UBE2D3: variants seen among roughly 807,000 people sequenced by gnomAD.
The protein encoded by UBE2D3 is ubiquitin-conjugating enzyme E2 D3.
A neutral mutation model predicts 22.8 loss-of-function variants in UBE2D3; 2 were observed. The observed-to-expected ratio is 0.09, with a 90% CI of 0.04 to 0.28. The LOEUF (loss-of-function observed/expected upper bound fraction) is 0.28. Ranked by LOEUF, UBE2D3 falls within the 10% of genes least tolerant of loss-of-function variation. The probability of loss-of-function intolerance (pLI) is 1.00; values close to 1 mark genes in which losing one functional copy is unlikely to be tolerated. For missense variants in UBE2D3, 27 were observed against 182.5 expected (o/e 0.15, Z 4.91); for synonymous variants, 56 against 60.4 (o/e 0.93, Z 0.34).
chr4:102,819,328 T>TC (rs1295926485), intron 2 of UBE2D3, among the ~76,000 whole-genome samples: 58 of 120,866 alleles, frequency 4.8e-4, no homozygotes, highest in African/African-American at 2.1e-3. Flanking sequence ...AGACTCCGCC[T>TC]CAAAAAAAAA....
At chr4:102,847,576 C>T (rs535555873) in intron 1 of UBE2D3, among the ~76,000 whole-genome samples, 12 of 152,180 alleles carry the variant, frequency 7.9e-5, no homozygotes, top group East Asian at 5.8e-4. Flanking sequence ...TGTGAGCCAC[C>T]GCACCTGGTC....
intron 1 of UBE2D3, among the ~76,000 whole-genome samples, chr4:102,849,130 A>AT (rs1384180214): frequency 6.6e-6 from 1 of 151,376 alleles, no homozygotes; most frequent in East Asian, 2.0e-4. Context: ...CACTTTGAGA[A>AT]GCTGAGGCAA....
At chr4:102,829,334 C>G (rs542548350), upstream of UBE2D3, among the ~76,000 whole-genome samples, 1 of 152,278 alleles carries the variant, frequency 6.6e-6, no homozygotes, top group Admixed American at 6.5e-5. Flanking sequence ...CTGGCCCCTC[C>G]CTCCTCCCTG....
intron 1 of UBE2D3, among the ~76,000 whole-genome samples, chr4:102,862,776 T>C (rs1362975473): frequency 6.6e-6 from 1 of 152,198 alleles, no homozygotes; most frequent in East Asian, 1.9e-4. Context: ...GTCCAGTACA[T>C]TTAACTTTTG....
intron 2 of UBE2D3, chr4:102,819,691 G>T: frequency 1.6e-6 from 1 of 644,740 alleles, no homozygotes; most frequent in Non-Finnish European, 1.9e-6. Context: ...CTTTAAGACA[G>T]TAAAATTATC....
intron 1 of UBE2D3, among the ~76,000 whole-genome samples, chr4:102,867,635 C>A (rs977400242): frequency 1.3e-5 from 2 of 152,094 alleles, no homozygotes; most frequent in Non-Finnish European, 2.9e-5. Context: ...TACATACACA[C>A]AAAAATTTTT....
intron 2 of UBE2D3, among the ~76,000 whole-genome samples, chr4:102,815,265 A>G (rs223407): frequency 0.57 from 87,284 of 151,918 alleles, 26,366 homozygotes; most frequent in African/African-American, 0.78. Context: ...CACTGGTCTC[A>G]AACTCCTGAC....
upstream of UBE2D3, among the ~76,000 whole-genome samples, chr4:102,830,249 A>C (rs1264940022): frequency 6.6e-6 from 1 of 152,250 alleles, no homozygotes; most frequent in Non-Finnish European, 1.5e-5. Context: ...GTTGCAAATA[A>C]AGTTAAAACA....
At chr4:102,822,723 CAGG>C (rs1229397075) in intron 2 of UBE2D3, among the ~76,000 whole-genome samples, 3 of 112,216 alleles carry the variant, frequency 2.7e-5, no homozygotes, top group South Asian at 5.5e-4. Flanking sequence ...ATCACGAGGT[CAGG>C]AGATCAAGAC....
intron 2 of UBE2D3, among the ~76,000 whole-genome samples, chr4:102,822,802 G>C (rs1318772062): frequency 5.0e-5 from 2 of 39,748 alleles, no homozygotes; most frequent in African/African-American, 5.6e-4. Flanking sequence ...CGGGGGTGGT[G>C]GTGGGCGCCT....
chr4:102,817,853 T>C (rs1728998476), intron 2 of UBE2D3, among the ~76,000 whole-genome samples: 1 of 152,192 alleles, frequency 6.6e-6, no homozygotes, highest in South Asian at 2.1e-4. Context: ...ACGACACCCA[T>C]ACTCAGCATT....
rs1012824143 is a variant in UBE2D3, at chr4:102,868,018, G to C, written c.-129+697C>G. Among the ~76,000 whole-genome samples, 8 of 150,698 alleles carry C rather than the reference G, an allele frequency of 5.3e-5. No individual in the cohort carries two copies. In the East Asian group the frequency reaches 1.6e-3, roughly 29 times the overall value. On this transcript the variant is annotated intron_variant, in intron 1 of 7. Coordinates refer to the UBE2D3 transcript ENST00000338145. The stretch of plus-strand genomic sequence containing the variant: ...GAAGCCATAAGGACCCCCTGCGCTA[G>C]ACTTCAGCAGAAGCCTTGTAACATA...
At chr4:102,797,491 A>T in intron 7 of UBE2D3, 31 bp from the exon 8 acceptor site, 1 of 1,543,610 alleles carries the variant, frequency 6.5e-7, no homozygotes, top group Non-Finnish European at 8.9e-7. Flanking sequence ...TTTAAAAGTT[A>T]AAATAAAGAA....
chr4:102,866,527 T>C (rs1281705226), intron 1 of UBE2D3, among the ~76,000 whole-genome samples: 1 of 152,192 alleles, frequency 6.6e-6, no homozygotes, highest in Non-Finnish European at 1.5e-5. Context: ...GAACTGTACA[T>C]TTGGCATTTG....
chr4:102,860,013 T>C (rs1429963244), intron 1 of UBE2D3, among the ~76,000 whole-genome samples: 1 of 151,760 alleles, frequency 6.6e-6, no homozygotes, highest in Non-Finnish European at 1.5e-5. Context: ...TCCTGGCTAA[T>C]TTTTTTTGTA....
intron 1 of UBE2D3, among the ~76,000 whole-genome samples, chr4:102,853,193 A>G (rs1732459422): frequency 8.7e-6 from 1 of 114,728 alleles, no homozygotes; most frequent in Non-Finnish European, 1.6e-5. Flanking sequence ...CCCAGGCTGG[A>G]GTGCAGTGGC....
intron 1 of UBE2D3, among the ~76,000 whole-genome samples, chr4:102,856,217 T>C (rs921160595): frequency 1.3e-5 from 2 of 151,934 alleles, no homozygotes; most frequent in Admixed American, 6.6e-5. Context: ...AATACAAAAA[T>C]TAGCCAGGCA....
upstream of UBE2D3, among the ~76,000 whole-genome samples, chr4:102,832,430 T>C (rs981735909): frequency 2.6e-5 from 4 of 152,040 alleles, no homozygotes; most frequent in Non-Finnish European, 5.9e-5. Context: ...ATGGAGAAAT[T>C]GAATTTTTAA....
At chr4:102,819,095 C>A (rs1208877816) in intron 2 of UBE2D3, among the ~76,000 whole-genome samples, 1 of 152,160 alleles carries the variant, frequency 6.6e-6, no homozygotes, top group Non-Finnish European at 1.5e-5. Flanking sequence ...CTTTGGGAAG[C>A]CAAGGCAGGC....
Sources: gnomAD v4.1 joint callset for allele counts (sites outside exome capture counted in the v4.1 genomes callset) on GRCh38, gnomAD v4.1.1 for gene constraint, MANE v1.5 for transcripts, NCBI Gene and HGNC (gene_info 2026-07-23, HGNC 2026-07-21) for gene names.